Variants in TNS3 observed in about 807,000 individuals in gnomAD.
TNS3 encodes tensin 3, also known as tensin-3.
TNS3 carries 45 observed loss-of-function variants against 140.9 expected under a neutral mutation model. That is an observed-to-expected ratio of 0.32 (90% CI 0.25 to 0.41). The LOEUF is 0.41. Among genes scored for constraint, TNS3 ranks in the 10% least tolerant of loss-of-function variants. The pLI, the probability that TNS3 is intolerant of heterozygous loss-of-function variation, is 1.00. For synonymous variants in TNS3, 815 were observed against 788.4 expected (o/e 1.03, Z -0.56); for missense variants, 1,716 against 1,906.7 (o/e 0.90, Z 1.86).
intron 16 of TNS3, among the ~76,000 whole-genome samples, chr7:47,390,450 G>A (rs983042157): frequency 1.3e-5 from 2 of 152,188 alleles, no homozygotes; most frequent in African/African-American, 4.8e-5. Flanking sequence ...GGCCACTTCA[G>A]GACTGTGTCT....
rs1471726588 is a variant in TNS3 at position 47,276,621 on chromosome 7, T to C, written c.*1455A>G. ...TATTCTGATGTGGCCCAGCTCCATC[T>C]TTCACTCTGGGGATGTTCCAGGGTC... On this transcript the variant is annotated 3_prime_UTR_variant, in exon 31 of 31. Coordinates refer to ENST00000311160, the MANE Select transcript of TNS3 (RefSeq NM_022748.12). The C allele has an allele frequency of 2.0e-5, 3 of 152,228 alleles. No homozygotes were observed. Among genetic ancestry groups the C allele is most frequent in the Admixed American group, 2.0e-4 (3 of 15,280 alleles). 9.4% of individuals were successfully genotyped at this position (152,228 alleles called of 1,614,324 possible). A position where few individuals can be genotyped will look rare whatever the true frequency, so the allele number is the denominator to read the frequency against.
At chr7:47,293,167 C>T (rs1422778096) in intron 25 of TNS3, among the ~76,000 whole-genome samples, 1 of 152,194 alleles carries the variant, frequency 6.6e-6, no homozygotes, top group East Asian at 1.9e-4. Flanking sequence ...AAGACTAAAG[C>T]ATACAGTTTG....
At chr7:47,293,196 G>A (rs371345828) in intron 25 of TNS3, among the ~76,000 whole-genome samples, 5 of 152,172 alleles carry the variant, frequency 3.3e-5, no homozygotes, top group East Asian at 3.8e-4. Flanking sequence ...TGAATCAGGA[G>A]GGTTGACATC....
At chr7:47,286,056 G>A (rs41325149) in intron 27 of TNS3, among the ~76,000 whole-genome samples, 3,140 of 152,276 alleles carry the variant, frequency 0.021, 98 homozygotes, top group African/African-American at 0.072. Context: ...GGGACAGTCC[G>A]CCTTTGATTT....
At chr7:47,547,593 T>C (rs535279060) in intron 1 of TNS3, among the ~76,000 whole-genome samples, 10 of 151,914 alleles carry the variant, frequency 6.6e-5, no homozygotes, top group Middle Eastern at 3.2e-3. Context: ...CAGGTCCACA[T>C]TGTGCATCTT....
At chr7:47,457,088 T>C (rs1382450822) in intron 4 of TNS3, among the ~76,000 whole-genome samples, 4 of 132,800 alleles carry the variant, frequency 3.0e-5, no homozygotes, top group African/African-American at 1.1e-4. Flanking sequence ...CATATCATTA[T>C]CCCTGGAGGT....
intron 17 of TNS3, among the ~76,000 whole-genome samples, chr7:47,356,452 C>T (rs2462647): frequency 0.5 from 76,776 of 152,118 alleles, 20,451 homozygotes; most frequent in Non-Finnish European, 0.6. Flanking sequence ...AGGGCCAACT[C>T]AATCTGCCAC....
At chr7:47,491,136 G>A (rs181817946) in intron 3 of TNS3, among the ~76,000 whole-genome samples, 1 of 152,234 alleles carries the variant, frequency 6.6e-6, no homozygotes, top group African/African-American at 2.4e-5. Flanking sequence ...AGTGGGCAGA[G>A]AGGCAGAGGG....
chr7:47,303,766 G>A (rs1786570505), intron 21 of TNS3, among the ~76,000 whole-genome samples, 182 bp from the exon 22 acceptor site: 1 of 152,222 alleles, frequency 6.6e-6, no homozygotes. Context: ...CACGCTGCCT[G>A]CCTTTCAAGC....
chr7:47,503,612 C>A (rs1436043996), intron 3 of TNS3, among the ~76,000 whole-genome samples: 1 of 151,776 alleles, frequency 6.6e-6, no homozygotes, highest in Non-Finnish European at 1.5e-5. Flanking sequence ...ATTAACATAA[C>A]CAACAGCTAA....
Position 47,446,647 on chromosome 7 carries a change from G to A in TNS3, c.-75-4592C>T, listed in dbSNP as rs558291639. 6.8e-5 allele frequency among the ~76,000 whole-genome samples: 9 copies of A among 133,168 alleles called. No individual in the cohort carries two copies. The East Asian group carries it at 1.9e-3, about 28-fold the overall frequency. 87.4% of individuals were successfully genotyped at this position (133,168 alleles called of 152,430 possible). A position where few individuals can be genotyped will look rare whatever the true frequency, so the allele number is the denominator to read the frequency against. On this transcript the variant is annotated intron_variant, in intron 4 of 30. Transcript: ENST00000311160. The stretch of plus-strand genomic sequence containing the variant: ...AGAATCTGTGGTTAAGGTTAAACCT[G>A]CAAAAGGTAAGCCTGCAAAGACCGC...
chr7:47,289,079 C>G (rs1785566710), intron 27 of TNS3, among the ~76,000 whole-genome samples: 1 of 152,134 alleles, frequency 6.6e-6, no homozygotes. Context: ...AAATTCCATT[C>G]AAAACAGAGT....
chr7:47,327,408 C>A (rs1788083909), intron 20 of TNS3, among the ~76,000 whole-genome samples: 2 of 152,224 alleles, frequency 1.3e-5, no homozygotes, highest in Non-Finnish European at 2.9e-5. Context: ...TTAGTAGAAA[C>A]AACTGTGCTG....
intron 13 of TNS3, among the ~76,000 whole-genome samples, 158 bp from the exon 14 acceptor site, chr7:47,401,072 G>A (rs555733048): frequency 1.3e-5 from 2 of 152,360 alleles, no homozygotes; most frequent in East Asian, 3.9e-4. Context: ...CTGGGGCACA[G>A]GCGCCTGCAG....
intron 17 of TNS3, among the ~76,000 whole-genome samples, chr7:47,363,115 TCATCATCAC>T (rs1267960019): frequency 1.8e-4 from 1 of 5,706 alleles, no homozygotes; most frequent in Admixed American, 1.8e-3. Flanking sequence ...ATCATCATCA[TCATCATCAC>T]CATCATCACT....
chr7:47,449,457 C>T (rs535957115), intron 4 of TNS3, among the ~76,000 whole-genome samples: 10 of 152,178 alleles, frequency 6.6e-5, no homozygotes, highest in African/African-American at 9.7e-5. Context: ...GTTTAGAATG[C>T]TCCTCATTCA....
intron 1 of TNS3, among the ~76,000 whole-genome samples, chr7:47,566,401 C>T (rs1042281604): frequency 7.2e-5 from 11 of 152,170 alleles, no homozygotes; most frequent in African/African-American, 2.4e-4. Context: ...AAAAGGCACA[C>T]ATGTTTGTTT....
At chr7:47,432,207 G>A (rs1209801800) in intron 8 of TNS3, among the ~76,000 whole-genome samples, 1 of 152,228 alleles carries the variant, frequency 6.6e-6, no homozygotes, top group Non-Finnish European at 1.5e-5. Context: ...ATTGGGTCAT[G>A]AGGAACCTTG....
At chr7:47,286,060 T>C (rs1013571696) in intron 27 of TNS3, among the ~76,000 whole-genome samples, 1 of 152,134 alleles carries the variant, frequency 6.6e-6, no homozygotes, top group African/African-American at 2.4e-5. Context: ...CAGTCCGCCT[T>C]TGATTTTATT....
Sources: gnomAD v4.1 joint callset for allele counts (sites outside exome capture counted in the v4.1 genomes callset) on GRCh38, gnomAD v4.1.1 for gene constraint, MANE v1.5 for transcripts, NCBI Gene and HGNC (gene_info 2026-07-23, HGNC 2026-07-21) for gene names.